FABP3: variants seen among roughly 807,000 people sequenced by gnomAD.
FABP3 encodes fatty acid binding protein 3, also known as fatty acid-binding protein, heart.
A neutral mutation model predicts 13.4 loss-of-function variants in FABP3; 8 were observed. The ratio of observed to expected loss-of-function variants is 0.60; its 90% CI spans 0.35 to 1.07. The LOEUF is 1.07. Ranked by LOEUF, FABP3 falls within the 50% of genes least tolerant of loss-of-function variation. The pLI is 0.02. For synonymous variants in FABP3, 64 were observed against 60.0 expected (o/e 1.07, Z -0.31); for missense variants, 135 against 164.7 (o/e 0.82, Z 0.99).
intron 1 of FABP3, among the ~76,000 whole-genome samples, chr1:31,371,572 C>T (rs897318435): frequency 6.6e-6 from 1 of 152,170 alleles, no homozygotes; most frequent in Non-Finnish European, 1.5e-5. Flanking sequence ...TGAAAGATAA[C>T]AGGACTTCAG....
At position 31,372,878 on chromosome 1, in the gene FABP3, G is replaced by A. The variant is rs565523042; in HGVS notation, c.73+64C>T. ...AGGAGGGATGCGGCAGGAGTGCTGCGTGGGGCTAGGCACGCCACCAGCCAG... is the reference window on the plus strand; with the variant it reads ...AGGAGGGATGCGGCAGGAGTGCTGCATGGGGCTAGGCACGCCACCAGCCAG... On this transcript the variant is annotated intron_variant, in intron 1 of 3. Transcript: ENST00000373713. 6.1e-5 allele frequency: 90 copies of A among 1,476,198 alleles called. 1 individual carries two copies. In the South Asian group the frequency reaches 9.8e-4, roughly 16 times the overall value. 91.4% of individuals were successfully genotyped at this position (1,476,198 alleles called of 1,614,324 possible).
At position 31,369,452 on chromosome 1, in the gene FABP3, T is replaced by G; in HGVS notation, c.179A>C (p.Asn60Thr). The change falls in exon 2 of 4, where the codon AAC (asparagine) becomes ACC (threonine). Residue 60 changes from asparagine to threonine, a missense_variant. Asn to Thr is a moderately conservative substitution (Grantham distance 65). Transcript: ENST00000373713. ...CCCCAACTTAAAGCTGATCTCTGTG[T>G]TCTTGAAGGTGCTGTGTGTTTTTAG... ...LTLKTHSTFK[N>T]TEISFKLGVE... 1 of 1,614,172 alleles carries G rather than the reference T, an allele frequency of 6.2e-7. No homozygotes were observed. The highest frequency in any genetic ancestry group is 1.3e-5 in the African/African-American group (1 of 75,040).
Position 31,365,514 on chromosome 1 carries a change from G to A in FABP3, c.*372C>T, listed in dbSNP as rs1394277236. On this transcript the variant is annotated 3_prime_UTR_variant, in exon 4 of 4. Transcript: ENST00000373713. ...TGTAAGGTGATCAGCTGATTAACAG[G>A]CTCCGAGACTGTCCATTTCAGTCTC... is the stretch of plus-strand genomic sequence containing the variant. 1 of 227,560 alleles carries A rather than the reference G, an allele frequency of 4.4e-6. No individual in the cohort carries two copies. The highest frequency in any genetic ancestry group is 8.8e-6 in the Non-Finnish European group (1 of 113,218). 14.1% of individuals were successfully genotyped at this position (227,560 alleles called of 1,614,324 possible). A position where few individuals can be genotyped will look rare whatever the true frequency, so the allele number is the denominator to read the frequency against.
downstream of FABP3, among the ~76,000 whole-genome samples, chr1:31,361,173 C>A (rs1303699278): frequency 6.6e-6 from 1 of 152,202 alleles, no homozygotes; most frequent in Non-Finnish European, 1.5e-5. Context: ...TCCTCCCAGC[C>A]ATGGTTGTTA....
At chr1:31,367,595 CA>C (rs1640136821) in intron 2 of FABP3, 101 bp from the exon 3 acceptor site, 2 of 943,964 alleles carry the variant, frequency 2.1e-6, no homozygotes, top group Non-Finnish European at 1.7e-6. Flanking sequence ...GCCTTTGACC[CA>C]AACTAGTGAT....
downstream of FABP3, among the ~76,000 whole-genome samples, chr1:31,363,180 T>C (rs562799089): frequency 5.3e-5 from 8 of 151,226 alleles, no homozygotes; most frequent in Non-Finnish European, 1.2e-4. Flanking sequence ...CAATGTCTTA[T>C]ACTTTTTTTT....
chr1:31,363,020 C>G (rs1639976133), downstream of FABP3, among the ~76,000 whole-genome samples: 1 of 152,096 alleles, frequency 6.6e-6, no homozygotes, highest in Non-Finnish European at 1.5e-5. Context: ...GTAACATACA[C>G]AGTTTATATC....
intron 2 of FABP3, 52 bp downstream of exon 2, chr1:31,369,333 T>C: frequency 6.3e-7 from 1 of 1,580,624 alleles, no homozygotes; most frequent in Non-Finnish European, 8.6e-7. Flanking sequence ...CAGCCTATTC[T>C]CTTTTAGAGT....
At chr1:31,369,023 ACT>A (rs1640159139) in intron 2 of FABP3, 2 of 199,368 alleles carry the variant, frequency 1.0e-5, no homozygotes, top group South Asian at 1.4e-4. Context: ...TGGCCACATA[ACT>A]CTGCCATCTA....
downstream of FABP3, chr1:31,363,912 C>A: frequency 7.0e-7 from 1 of 1,426,728 alleles, no homozygotes; most frequent in Non-Finnish European, 9.2e-7. Context: ...TTCCTCCCAC[C>A]TCGGCTTCCC....
Position 31,369,331 on chromosome 1 carries a change from T to A in FABP3, c.246+54A>T, listed in dbSNP as rs942404518. 24 of 1,577,032 alleles carry A rather than the reference T, an allele frequency of 1.5e-5. No individual in the cohort carries two copies. In the African/African-American group the frequency reaches 1.9e-4, roughly 12 times the overall value. Reference sequence around the variant, plus strand: ...CAGGGAGCCAAGACTACCAGCCTATTCTCTTTTAGAGTCTCAGCACTCTCC... The same window carrying A: ...CAGGGAGCCAAGACTACCAGCCTATACTCTTTTAGAGTCTCAGCACTCTCC... On this transcript the variant is annotated intron_variant, in intron 2 of 3. Transcript: ENST00000373713.
At position 31,365,931 on chromosome 1, in the gene FABP3, G is replaced by A; in HGVS notation, c.357C>T (p.Thr119=). Residue 119 remains threonine (T), a synonymous_variant, in exon 4 of 4, where the codon ACC becomes ACT. Transcript: ENST00000373713. ...LIDGKLILTL[T]HGTAVCTRTY... is the part of the protein sequence containing the mutation. ...TGCGAGTGCAAACTGCAGTGCCGTG[G>A]GTGAGTGTCTGGAAGGAAAGACAGA... 6.2e-7 allele frequency: 1 copy of A among 1,613,934 alleles called. No homozygotes were observed. The highest frequency in any genetic ancestry group is 2.2e-5 in the East Asian group (1 of 44,870).
intron 1 of FABP3, 105 bp downstream of exon 1, chr1:31,372,837 T>C: frequency 8.8e-7 from 1 of 1,138,184 alleles, no homozygotes; most frequent in South Asian, 1.3e-5. Flanking sequence ...CGCTCCCCTA[T>C]TCCCCAGTCT....
chr1:31,372,992 G>T lies in FABP3; in HGVS notation c.23C>A (p.Thr8Asn), dbSNP rs373127649. 4 of 1,613,924 alleles carry T rather than the reference G, an allele frequency of 2.5e-6. No homozygotes were observed. Among genetic ancestry groups the T allele is most frequent in the African/African-American group, 2.7e-5 (2 of 74,942 alleles). MVDAFLG[T>N]WKLVDSKNFD... ...ATTCTTGCTGTCCACTAGCTTCCAG[G>T]TGCCCAGGAAAGCGTCCACCATAGT... Residue 8 changes from threonine (T) to asparagine (N), a missense_variant, in exon 1 of 4, where the codon ACC becomes AAC. By Grantham distance (65) the Thr-to-Asn change is moderately conservative. Coordinates refer to ENST00000373713, the MANE Select transcript of FABP3 (RefSeq NM_004102.5).
At chr1:31,364,404 T>C (rs149963512), downstream of FABP3, 828 of 803,264 alleles carry the variant, frequency 1.0e-3, 4 homozygotes, top group African/African-American at 0.013. Context: ...TTATCACTCC[T>C]GGTCCCTTTG....
chr1:31,361,678 C>T (rs1389494824), downstream of FABP3, among the ~76,000 whole-genome samples: 2 of 152,198 alleles, frequency 1.3e-5, no homozygotes, highest in African/African-American at 4.8e-5. Flanking sequence ...CATGAAGATC[C>T]CAACTGCGCC....
Position 31,373,070 on chromosome 1 carries a change from C to A in FABP3, c.-56G>T, listed in dbSNP as rs1037399319. 2 of 1,554,062 alleles carry A rather than the reference C, an allele frequency of 1.3e-6. No individual in the cohort carries two copies. The highest frequency in any genetic ancestry group is 1.7e-5 in the Admixed American group (1 of 59,672). On this transcript the variant is annotated 5_prime_UTR_variant, in exon 1 of 4. Transcript: ENST00000373713. ...CAAGAGAGCAGGCGTGCAAGGGCTC[C>A]GACGGCGGCTCCCTGCCCGGGCTGC...
chr1:31,365,720 AAAC>A lies in FABP3; in HGVS notation c.*163_*165del. Reference sequence around the variant, plus strand: ...GAGTGCAGTTAAAAAAAAAAAAAAAAAACCACATACACCATGGGAACTGGAACT... The same window carrying A: ...GAGTGCAGTTAAAAAAAAAAAAAAAACACATACACCATGGGAACTGGAACT... On this transcript the variant is annotated 3_prime_UTR_variant, in exon 4 of 4. Transcript: ENST00000373713. The A allele has an allele frequency of 4.8e-6, 3 of 618,810 alleles. No individual in the cohort carries two copies. The highest frequency in any genetic ancestry group is 5.8e-5 in the East Asian group (2 of 34,480). The allele number at this position is 618,810 out of a possible 1,614,324, so 38.3% of individuals were successfully genotyped here.
intron 1 of FABP3, among the ~76,000 whole-genome samples, chr1:31,370,966 G>GTTTAC (rs982041025): frequency 6.6e-6 from 1 of 152,222 alleles, no homozygotes; most frequent in African/African-American, 2.4e-5. Flanking sequence ...ATTATCCCCA[G>GTTTAC]TTTACAATGA....
Sources: allele counts gnomAD v4.1 joint callset (sites outside exome capture counted in the v4.1 genomes callset), GRCh38; gene constraint gnomAD v4.1.1; transcripts MANE v1.5; gene names NCBI Gene and HGNC (gene_info 2026-07-23, HGNC 2026-07-21).